The following ELL variants were observed in gnomAD, a reference collection of about 807,000 sequenced individuals.
The protein encoded by ELL is RNA polymerase II elongation factor ELL.
Under a neutral mutation model 64.0 loss-of-function variants are expected in ELL, and 18 were observed. The observed-to-expected ratio is 0.28, with a 90% CI of 0.19 to 0.42. The LOEUF (loss-of-function observed/expected upper bound fraction) is 0.42. Ranked by LOEUF, ELL falls within the 10% of genes least tolerant of loss-of-function variation. The pLI, the probability that ELL is intolerant of heterozygous loss-of-function variation, is 1.00. For missense variants in ELL, 797 were observed against 870.4 expected (o/e 0.92, Z 1.06); for synonymous variants, 399 against 376.2 (o/e 1.06, Z -0.70).
At chr19:18,508,980 C>T (rs1975942164) in intron 1 of ELL, among the ~76,000 whole-genome samples, 1 of 152,148 alleles carries the variant, frequency 6.6e-6, no homozygotes, top group African/African-American at 2.4e-5. Context: ...ATAGCAGTGA[C>T]CCTGGGCAGA....
chr19:18,469,824 T>C (rs1406483773), intron 2 of ELL, among the ~76,000 whole-genome samples: 1 of 152,134 alleles, frequency 6.6e-6, no homozygotes, highest in African/African-American at 2.4e-5. Context: ...CTCTTCCCTT[T>C]GAAATCCATC....
chr19:18,484,160 G>A (rs1975363553), intron 1 of ELL, among the ~76,000 whole-genome samples: 1 of 152,218 alleles, frequency 6.6e-6, no homozygotes, highest in Non-Finnish European at 1.5e-5. Flanking sequence ...AGTGTGATGG[G>A]CACAGAATCC....
chr19:18,485,352 C>G (rs1387263560), intron 1 of ELL, among the ~76,000 whole-genome samples: 1 of 152,196 alleles, frequency 6.6e-6, no homozygotes. Context: ...CCAAGCTCAA[C>G]TGCTATTAGA....
rs1974343468 is a variant in ELL, at chr19:18,443,703, G to A, written c.*1049C>T. ...AGAGCCTGCACCCCCAGAGCAGGCAGACCCATCCTCCTGGCTCCCCAGCTC... is the reference window on the plus strand; with the variant it reads ...AGAGCCTGCACCCCCAGAGCAGGCAAACCCATCCTCCTGGCTCCCCAGCTC... On this transcript the variant is annotated 3_prime_UTR_variant, in exon 12 of 12. Transcript: ENST00000262809. 1 of 233,176 alleles carries A rather than the reference G, an allele frequency of 4.3e-6. No homozygotes were observed. Among genetic ancestry groups the A allele is most frequent in the African/African-American group, 2.2e-5 (1 of 45,334 alleles). The allele number at this position is 233,176 out of a possible 1,614,324, so 14.4% of individuals were successfully genotyped here.
rs547542475 is a variant in ELL at position 18,504,187 on chromosome 19, C to T, written c.135+17734G>A. On this transcript the variant is annotated intron_variant, in intron 1 of 11. Transcript: ENST00000262809. The stretch of plus-strand genomic sequence containing the variant: ...GCCACTTGTGCCAACAGGCCAGGGA[C>T]GGCACAGAGAGGCTGGAGGGGTGAG... 2.1e-3 allele frequency among the ~76,000 whole-genome samples: 313 copies of T among 152,280 alleles called. 1 individual carries two copies. Among genetic ancestry groups the T allele is most frequent in the Non-Finnish European group, 2.5e-3 (170 of 68,026 alleles).
intron 2 of ELL, among the ~76,000 whole-genome samples, chr19:18,468,526 G>A (rs573388824): frequency 6.6e-6 from 1 of 152,382 alleles, no homozygotes; most frequent in East Asian, 1.9e-4. Flanking sequence ...GTGGCCAGGT[G>A]CACAGGTGAC....
Position 18,449,286 on chromosome 19 carries a change from C to G in ELL, c.1465+1191G>C, listed in dbSNP as rs565863133. On this transcript the variant is annotated intron_variant, in intron 8 of 11. Coordinates refer to ENST00000262809, the MANE Select transcript of ELL (RefSeq NM_006532.4). This position sits in a 1 kb window ranked among gnomAD's most constrained non-coding sequence, Gnocchi z 4.4. ...CAAATGGCAGATCCTGCCATTTGAT[C>G]GTGGCCCAGGTCTGGCTGTGGGGTG... Among the ~76,000 whole-genome samples, 16 of 152,062 alleles carry G rather than the reference C, an allele frequency of 1.1e-4. No individual in the cohort carries two copies. Among genetic ancestry groups the G allele is most frequent in the African/African-American group, 3.9e-4 (16 of 41,392 alleles).
At chr19:18,459,304 T>G (rs1177747845) in intron 5 of ELL, among the ~76,000 whole-genome samples, 1 of 152,184 alleles carries the variant, frequency 6.6e-6, no homozygotes, top group African/African-American at 2.4e-5. Flanking sequence ...CTGTTGCCGG[T>G]TGACCAAAGC....
chr19:18,458,359 G>A, intron 5 of ELL, 30 bp from the exon 6 acceptor site: 1 of 1,599,938 alleles, frequency 6.3e-7, no homozygotes, highest in South Asian at 1.1e-5. Flanking sequence ...ATCACTTTGT[G>A]GGAATCCTGA....
At chr19:18,445,077 G>C (rs1204546690) in intron 11 of ELL, 147 bp downstream of exon 11, 1 of 1,210,942 alleles carries the variant, frequency 8.3e-7, no homozygotes, top group South Asian at 1.3e-5. Context: ...ACTTAGCTGG[G>C]GGTGGTGGGG....
chr19:18,472,608 G>C, intron 2 of ELL: 1 of 542,852 alleles, frequency 1.8e-6, no homozygotes, highest in Non-Finnish European at 3.2e-6. Flanking sequence ...GAGCCACTGG[G>C]AGAGGAGAGC....
At chr19:18,503,704 C>T (rs1975827039) in intron 1 of ELL, among the ~76,000 whole-genome samples, 1 of 152,144 alleles carries the variant, frequency 6.6e-6, no homozygotes, top group African/African-American at 2.4e-5. Context: ...CCACCTGGAG[C>T]CAGCGGGAGT....
At chr19:18,477,884 A>C (rs1235693225) in intron 1 of ELL, among the ~76,000 whole-genome samples, 3 of 152,178 alleles carry the variant, frequency 2.0e-5, no homozygotes, top group Non-Finnish European at 4.4e-5. Context: ...AAGATCATTC[A>C]AGGCATAAAT....
At chr19:18,477,853 T>C (rs1161517354) in intron 1 of ELL, among the ~76,000 whole-genome samples, 1 of 152,162 alleles carries the variant, frequency 6.6e-6, no homozygotes, top group East Asian at 1.9e-4. Flanking sequence ...AAAAGGCTTT[T>C]TTCTTATGAT....
chr19:18,507,309 C>T (rs937842932), intron 1 of ELL, among the ~76,000 whole-genome samples: 2 of 152,374 alleles, frequency 1.3e-5, no homozygotes, highest in Middle Eastern at 3.4e-3. Flanking sequence ...AGATAACATC[C>T]CCAGATAAGA....
At chr19:18,464,172 C>T (rs540950301) in intron 4 of ELL, among the ~76,000 whole-genome samples, 2 of 152,080 alleles carry the variant, frequency 1.3e-5, no homozygotes, top group South Asian at 2.1e-4. Context: ...AGTCAGACAC[C>T]AGCCTGTGCA....
intron 4 of ELL, among the ~76,000 whole-genome samples, chr19:18,462,867 G>A (rs1230079584): frequency 6.6e-6 from 1 of 152,148 alleles, no homozygotes; most frequent in African/African-American, 2.4e-5. Context: ...AGACCCTGAG[G>A]TGCAAGTGGC....
At chr19:18,470,852 G>A (rs1317178802) in intron 2 of ELL, 2 of 422,294 alleles carry the variant, frequency 4.7e-6, no homozygotes, top group Admixed American at 2.7e-5. Flanking sequence ...AGCCAGCCCT[G>A]AGGGTTACAG....
intron 1 of ELL, among the ~76,000 whole-genome samples, chr19:18,514,143 G>A (rs983695909): frequency 6.6e-6 from 1 of 152,012 alleles, no homozygotes; most frequent in African/African-American, 2.4e-5. Flanking sequence ...GAGGCGGGAG[G>A]TCTCTAGGAC....
Sources: allele counts gnomAD v4.1 joint callset (sites outside exome capture counted in the v4.1 genomes callset), GRCh38; gene constraint gnomAD v4.1.1; non-coding constraint Gnocchi (gnomAD v3.1); transcripts MANE v1.5; gene names NCBI Gene and HGNC (gene_info 2026-07-23, HGNC 2026-07-21).